Variants in PLPPR4 observed in about 807,000 individuals in gnomAD.
The protein encoded by PLPPR4 is phospholipid phosphatase-related protein type 4.
In PLPPR4, 24 loss-of-function variants were observed where a neutral mutation model predicts 56.6. That is an observed-to-expected ratio of 0.42 (90% CI 0.31 to 0.60). The LOEUF is 0.60. PLPPR4 is among the 20% of genes least tolerant of loss of function. The pLI is 0.13. For missense variants in PLPPR4, 654 were observed against 885.8 expected (o/e 0.74, Z 3.32); for synonymous variants, 326 against 328.1 (o/e 0.99, Z 0.07).
At chr1:99,278,382 T>C (rs1659245195) in intron 1 of PLPPR4, among the ~76,000 whole-genome samples, 1 of 152,170 alleles carries the variant, frequency 6.6e-6, no homozygotes, top group African/African-American at 2.4e-5. Context: ...GAAGATTGCA[T>C]GAATTCAAAC....
rs1436241336 is a variant in PLPPR4 at position 99,305,778 on chromosome 1, C to T, written c.916C>T (p.Pro306Ser). 1.2e-5 allele frequency: 20 copies of T among 1,613,928 alleles called. No homozygotes were observed. Among genetic ancestry groups the T allele is most frequent in the South Asian group, 2.2e-5 (2 of 91,084 alleles). The change falls in exon 7 of 7, where the codon CCC becomes TCC. Residue 306 changes from proline to serine, a missense_variant. Around this residue, in one of 2 missense-constraint regions of PLPPR4, gnomAD observed 468 missense variants for 554.3 expected, o/e 0.84. Transcript: ENST00000370185. ...LRSLTDLNQDPNRLLSAKNGS... is the reference protein window; with the variant it reads ...LRSLTDLNQDSNRLLSAKNGS... ...GTCTCTGACAGACCTCAATCAAGAT[C>T]CCAACCGACTTTTATCTGCTAAAAA...
At chr1:99,266,454 G>A (rs571273067) in intron 1 of PLPPR4, among the ~76,000 whole-genome samples, 7 of 152,292 alleles carry the variant, frequency 4.6e-5, no homozygotes, top group East Asian at 1.9e-4. Context: ...ATCTTTAACC[G>A]GAGTACATGT....
At chr1:99,279,271 A>G (rs1570910518) in intron 1 of PLPPR4, among the ~76,000 whole-genome samples, 1 of 152,178 alleles carries the variant, frequency 6.6e-6, no homozygotes, top group African/African-American at 2.4e-5. Context: ...ATATCTCTGT[A>G]TGGTCAGAGA....
intron 1 of PLPPR4, among the ~76,000 whole-genome samples, chr1:99,273,281 T>G (rs1659103703): frequency 6.6e-6 from 1 of 152,106 alleles, no homozygotes; most frequent in Non-Finnish European, 1.5e-5. Flanking sequence ...TTTCTGCCTG[T>G]GTAAAACTGG....
At position 99,302,503 on chromosome 1, in the gene PLPPR4, CTTT is replaced by C. The variant is rs1005438230; in HGVS notation, c.822+612_822+614del. 1.4e-3 allele frequency among the ~76,000 whole-genome samples: 149 copies of C among 109,656 alleles called. 1 individual carries two copies. The highest frequency in any genetic ancestry group is 4.6e-3 in the African/African-American group (110 of 24,022). 71.9% of individuals were successfully genotyped at this position (109,656 alleles called of 152,430 possible). A position where few individuals can be genotyped will look rare whatever the true frequency, so the allele number is the denominator to read the frequency against. On this transcript the variant is annotated intron_variant, in intron 6 of 6. Coordinates refer to ENST00000370185, the MANE Select transcript of PLPPR4 (RefSeq NM_014839.5). ...GTAACACTGAGAAATGAGATGTATT[CTTT>C]TTTTTATTATTATTATTATTATTAT... is the stretch of plus-strand genomic sequence containing the variant.
At chr1:99,272,136 A>G (rs1461793097) in intron 1 of PLPPR4, among the ~76,000 whole-genome samples, 1 of 152,192 alleles carries the variant, frequency 6.6e-6, no homozygotes, top group Non-Finnish European at 1.5e-5. Flanking sequence ...TTCTCAAGCA[A>G]CTTTTGTATT....
chr1:99,306,304 G>T lies in PLPPR4; in HGVS notation c.1442G>T (p.Gly481Val), dbSNP rs759736788. Residue 481 changes from glycine (G) to valine (V), a missense_variant, in exon 7 of 7, where the codon GGG becomes GTG. Gly to Val is a moderately radical substitution (Grantham distance 109). Around this residue, in one of 2 missense-constraint regions of PLPPR4, gnomAD observed 468 missense variants for 554.3 expected, o/e 0.84. Coordinates refer to ENST00000370185, the MANE Select transcript of PLPPR4 (RefSeq NM_014839.5). This position sits in a 1 kb window ranked among gnomAD's most constrained non-coding sequence, Gnocchi z 4.0. ...GPRVSIQSRP[G>V]SSQLVHIPEE... ...AGAGTGTCCATTCAGTCCCGTCCTG[G>T]GTCCTCACAGTTGGTGCACATCCCT... is the stretch of plus-strand genomic sequence containing the variant. 2 of 1,614,128 alleles carry T rather than the reference G, an allele frequency of 1.2e-6. No individual in the cohort carries two copies. Among genetic ancestry groups the T allele is most frequent in the Admixed American group, 3.3e-5 (2 of 60,010 alleles).
rs553999157 is a variant in PLPPR4 at position 99,281,757 on chromosome 1, T to G, written c.79-6208T>G. Reference sequence around the variant, plus strand: ...TTTCCCAGTTTTAATTGAATTTCAATGTATTCTGTTATTGTTTCAAATTTC... The same window carrying G: ...TTTCCCAGTTTTAATTGAATTTCAAGGTATTCTGTTATTGTTTCAAATTTC... On this transcript the variant is annotated intron_variant, in intron 1 of 6. Transcript: ENST00000370185. Among the ~76,000 whole-genome samples the G allele has an allele frequency of 9.2e-5, 14 of 152,292 alleles. No individual in the cohort carries two copies. The South Asian group carries it at 2.3e-3, about 25-fold the overall frequency.
intron 4 of PLPPR4, among the ~76,000 whole-genome samples, chr1:99,299,879 C>T (rs138029813): frequency 2.2e-3 from 339 of 151,942 alleles, no homozygotes; most frequent in Middle Eastern, 3.4e-3. Flanking sequence ...ACTTACATGA[C>T]AAGAGATAGT....
intron 1 of PLPPR4, among the ~76,000 whole-genome samples, chr1:99,276,619 A>G (rs1659191324): frequency 6.6e-6 from 1 of 152,114 alleles, no homozygotes; most frequent in South Asian, 2.1e-4. Context: ...AGTTCATGGA[A>G]AAAATGGAAT....
intron 1 of PLPPR4, among the ~76,000 whole-genome samples, chr1:99,272,194 G>A (rs1659078238): frequency 6.6e-6 from 1 of 152,110 alleles, no homozygotes; most frequent in Non-Finnish European, 1.5e-5. Context: ...TTATTACAGA[G>A]ATAAGGCTAA....
In PLPPR4 at chr1:99,307,542, T is replaced by C. The variant is rs1323613171; in HGVS notation, c.*532T>C. The C allele has an allele frequency of 6.5e-6, 1 of 152,994 alleles. No individual in the cohort carries two copies. The highest frequency in any genetic ancestry group is 1.5e-5 in the Non-Finnish European group (1 of 68,512). The allele number at this position is 152,994 out of a possible 1,614,324, so 9.5% of individuals were successfully genotyped here. ...TGAAATAGTGGTGTGCAATTCCTTG[T>C]TAAAGAAATGCTACTTTATTAAGAA... On this transcript the variant is annotated 3_prime_UTR_variant, in exon 7 of 7. Transcript: ENST00000370185.
intron 1 of PLPPR4, among the ~76,000 whole-genome samples, chr1:99,265,405 G>A (rs1472940631): frequency 6.6e-6 from 1 of 152,156 alleles, no homozygotes; most frequent in East Asian, 1.9e-4. Context: ...AGATGTATCC[G>A]TAATGACCCT....
At chr1:99,278,666 T>TA (rs1228851037) in intron 1 of PLPPR4, among the ~76,000 whole-genome samples, 6 of 152,204 alleles carry the variant, frequency 3.9e-5, no homozygotes, top group Admixed American at 6.6e-5. Flanking sequence ...TACCTGAGGT[T>TA]AAGTCTGGTG....
chr1:99,298,409 G>C (rs1183145788), intron 3 of PLPPR4, among the ~76,000 whole-genome samples: 1 of 152,130 alleles, frequency 6.6e-6, no homozygotes, highest in African/African-American at 2.4e-5. Flanking sequence ...GGTCCTAGGA[G>C]AAACAGAAAA....
Position 99,288,162 on chromosome 1 carries a change from C to A in PLPPR4, c.264+12C>A, listed in dbSNP as rs1419027361. The A allele has an allele frequency of 6.2e-7, 1 of 1,611,062 alleles. No individual in the cohort carries two copies. Among genetic ancestry groups the A allele is most frequent in the Admixed American group, 1.7e-5 (1 of 59,778 alleles). The stretch of plus-strand genomic sequence containing the variant: ...GACCTGCAATTACGGTAAGAATTAC[C>A]CCCAAAATTGTGTTTATCTGTCCTG... On this transcript the variant is annotated intron_variant, in intron 2 of 6. Coordinates refer to ENST00000370185, the MANE Select transcript of PLPPR4 (RefSeq NM_014839.5).
At chr1:99,290,816 G>A (rs985753387) in intron 2 of PLPPR4, among the ~76,000 whole-genome samples, 1 of 152,052 alleles carries the variant, frequency 6.6e-6, no homozygotes, top group Non-Finnish European at 1.5e-5. Context: ...AGACTTACAT[G>A]TAAAACCCAA....
chr1:99,278,955 A>G (rs114709893), intron 1 of PLPPR4, among the ~76,000 whole-genome samples: 3,964 of 152,298 alleles, frequency 0.026, 168 homozygotes, highest in African/African-American at 0.087. Flanking sequence ...TGCTAATGAA[A>G]TCATTAGAGT....
At chr1:99,273,002 T>A (rs1413994580) in intron 1 of PLPPR4, among the ~76,000 whole-genome samples, 1 of 152,162 alleles carries the variant, frequency 6.6e-6, no homozygotes. Flanking sequence ...TGTCTAATTA[T>A]GAGCATCATG....
Sources: allele counts gnomAD v4.1 joint callset (sites outside exome capture counted in the v4.1 genomes callset), GRCh38; gene constraint gnomAD v4.1.1; regional missense constraint gnomAD v4.1.1; non-coding constraint Gnocchi (gnomAD v3.1); transcripts MANE v1.5; gene names NCBI Gene and HGNC (gene_info 2026-07-23, HGNC 2026-07-21).